ZNF232: variants seen among roughly 807,000 people sequenced by gnomAD.
The protein encoded by ZNF232 is zinc finger protein 232, also known as zinc finger and SCAN domain-containing protein 11.
ZNF232 carries 25 observed loss-of-function variants against 25.2 expected under a neutral mutation model. That is an observed-to-expected ratio of 0.99 (90% CI 0.72 to 1.39). The LOEUF is 1.39. Ranked by LOEUF, ZNF232 falls within the 40% of genes most tolerant of loss-of-function variation. The probability of loss-of-function intolerance (pLI) is 0.00; values close to 1 mark genes in which losing one functional copy is unlikely to be tolerated. For missense variants in ZNF232, 519 were observed against 520.9 expected, an observed-to-expected ratio of 1.00 and a Z score of 0.04; for synonymous variants, 193 against 182.9, an observed-to-expected ratio of 1.06 and a Z score of -0.45.
At chr17:5,109,316 T>C in intron 2 of ZNF232, 78 bp downstream of exon 2, 1 of 1,550,734 alleles carries the variant, frequency 6.4e-7, no homozygotes, top group Non-Finnish European at 8.9e-7. Flanking sequence ...ACTTGGCACC[T>C]CCCCCTACAG....
chr17:5,118,479 C>T (rs1366738204), intron 1 of ZNF232, among the ~76,000 whole-genome samples: 1 of 152,218 alleles, frequency 6.6e-6, no homozygotes, highest in African/African-American at 2.4e-5. Flanking sequence ...CCTGTGATCC[C>T]AAATCCCCAG....
At chr17:5,108,726 A>T in intron 3 of ZNF232, 200 bp downstream of exon 3, 1 of 692,882 alleles carries the variant, frequency 1.4e-6, no homozygotes, top group Non-Finnish European at 2.2e-6. Flanking sequence ...GAGCTATCTT[A>T]TGAGGTAGTT....
At chr17:5,111,929 G>T, upstream of ZNF232, 1 of 1,475,408 alleles carries the variant, frequency 6.8e-7, no homozygotes, top group Non-Finnish European at 9.1e-7. Context: ...CCTCCTCGCC[G>T]CCGGCTTCCG....
chr17:5,111,863 C>G, upstream of ZNF232: 1 of 1,612,688 alleles, frequency 6.2e-7, no homozygotes, highest in Non-Finnish European at 8.5e-7. Flanking sequence ...AGCCCTCACC[C>G]CAGGGGCAGG....
At chr17:5,108,714 C>A in intron 3 of ZNF232, 1 of 623,550 alleles carries the variant, frequency 1.6e-6, no homozygotes, top group East Asian at 3.9e-5. Flanking sequence ...GCTTAATCCT[C>A]AGAGCTATCT....
At chr17:5,114,972 C>A (rs989478093), upstream of ZNF232, 2 of 152,312 alleles carry the variant, frequency 1.3e-5, no homozygotes, top group East Asian at 3.9e-4. Context: ...TTGCAGCCTC[C>A]AAAACTGAGA....
chr17:5,109,697 G>A lies in ZNF232; in HGVS notation c.195C>T (p.Thr65=), dbSNP rs531992462. 5 of 1,614,124 alleles carry A rather than the reference G, an allele frequency of 3.1e-6. No individual in the cohort carries two copies. In the African/African-American group the frequency reaches 4.0e-5, roughly 13 times the overall value. The change falls in exon 2 of 4, where the codon ACC becomes ACT. Residue 65 remains threonine, a synonymous_variant. Coordinates refer to ENST00000575898, the Ensembl canonical transcript of ZNF232. ...TGGTAGAGTGGTTCCCAGGTAGCCT[G>A]GTCTCATACTCACAAGACTGTTCCT...
chr17:5,110,340 C>T (rs1241332866), intron 1 of ZNF232, among the ~76,000 whole-genome samples: 1 of 152,094 alleles, frequency 6.6e-6, no homozygotes, highest in Non-Finnish European at 1.5e-5. Flanking sequence ...AAACTTGCAC[C>T]GTGGTAGAAA....
chr17:5,106,582 A>G, intron 3 of ZNF232, 49 bp from the exon 4 acceptor site: 2 of 1,444,726 alleles, frequency 1.4e-6, no homozygotes, highest in African/African-American at 2.8e-5. Flanking sequence ...TATTTCTGGA[A>G]TGAAAACAAA....
At chr17:5,109,319 C>T in intron 2 of ZNF232, 75 bp downstream of exon 2, 3 of 1,562,594 alleles carry the variant, frequency 1.9e-6, no homozygotes, top group Non-Finnish European at 2.6e-6. Context: ...TGGCACCTCC[C>T]CCTACAGCTG....
intron 1 of ZNF232, among the ~76,000 whole-genome samples, chr17:5,119,095 C>T (rs2072595326): frequency 6.6e-6 from 1 of 152,178 alleles, no homozygotes; most frequent in South Asian, 2.1e-4. Flanking sequence ...CTGCCTCTAT[C>T]ACTATCAAGT....
At chr17:5,114,115 C>T (rs2072476192), upstream of ZNF232, 2 of 152,178 alleles carry the variant, frequency 1.3e-5, no homozygotes, top group Non-Finnish European at 1.5e-5. Context: ...TTCTCTCTTC[C>T]TATATGTACA....
chr17:5,106,225 A>C lies in ZNF232; in HGVS notation c.907T>G (p.Phe303Val), dbSNP rs777443778. The change falls in exon 4 of 4, where the codon TTC becomes GTC. Residue 303 changes from phenylalanine to valine, a missense_variant. Coordinates refer to ENST00000575898, the Ensembl canonical transcript of ZNF232. ...ACAACAAGATGTGAGTTATAAATGAAGGTTTTACCACATTCACTACATTCA... is the reference window on the plus strand; with the variant it reads ...ACAACAAGATGTGAGTTATAAATGACGGTTTTACCACATTCACTACATTCA... The C allele has an allele frequency of 9.7e-5, 157 of 1,614,124 alleles. 1 individual carries two copies. Among genetic ancestry groups the C allele is most frequent in the Non-Finnish European group, 1.3e-4 (150 of 1,180,064 alleles).
intron 3 of ZNF232, among the ~76,000 whole-genome samples, chr17:5,108,520 TAA>T (rs760611887): frequency 7.7e-5 from 11 of 143,678 alleles, no homozygotes; most frequent in South Asian, 2.2e-4. Flanking sequence ...TCAGCGAGTT[TAA>T]AAAAAAAAAA....
At chr17:5,119,712 T>C (rs1192029357) in intron 1 of ZNF232, among the ~76,000 whole-genome samples, 1 of 152,172 alleles carries the variant, frequency 6.6e-6, no homozygotes, top group African/African-American at 2.4e-5. Flanking sequence ...CAATGCTAAT[T>C]ATTATAATTA....
rs73976309 is a variant in ZNF232, at chr17:5,109,800, G to A, written c.92C>T (p.Ser31Leu). 4,352 of 1,614,152 alleles carry A rather than the reference G, an allele frequency of 2.7e-3. 94 individuals are homozygous for A. In the African/African-American group the frequency reaches 0.048, roughly 18 times the overall value. Residue 31 changes from serine to leucine, a missense_variant, in exon 2 of 4, where the codon TCA becomes TTA. Physicochemically the swap from Ser to Leu is moderately radical, Grantham distance 145. Transcript: ENST00000575898. ...GGCCAGAGTTTCAGCTGCTGTTAGT[G>A]ATACAGCCATCCTAGTCTGCACTAG... is the stretch of plus-strand genomic sequence containing the variant.
upstream of ZNF232, among the ~76,000 whole-genome samples, chr17:5,115,195 G>A (rs1400726202): frequency 6.6e-6 from 1 of 151,664 alleles, no homozygotes; most frequent in Non-Finnish European, 1.5e-5. Context: ...GGGGTGGGGC[G>A]GTGGGTGGGT....
At chr17:5,112,109 G>A, upstream of ZNF232, 1 of 532,510 alleles carries the variant, frequency 1.9e-6, no homozygotes, top group South Asian at 2.6e-5. Flanking sequence ...CAGGTGGAGA[G>A]TGAGCCCTTG....
chr17:5,118,060 C>T (rs926467796), intron 1 of ZNF232: 3 of 146,590 alleles, frequency 2.0e-5, no homozygotes, highest in African/African-American at 7.9e-5. Context: ...CAGAGTGGGA[C>T]TCCGTCTCAA....
Sources: allele counts gnomAD v4.1 joint callset (sites outside exome capture counted in the v4.1 genomes callset), GRCh38; gene constraint gnomAD v4.1.1; transcripts MANE v1.5; gene names NCBI Gene and HGNC (gene_info 2026-07-23, HGNC 2026-07-21).